GRIK4: variants seen among roughly 807,000 people sequenced by gnomAD.
GRIK4 encodes glutamate ionotropic receptor kainate type subunit 4.
GRIK4 carries 40 observed loss-of-function variants against 104.9 expected under a neutral mutation model. The ratio of observed to expected loss-of-function variants is 0.38; its 90% CI spans 0.30 to 0.50. The LOEUF is 0.50. Ranked by LOEUF, GRIK4 falls within the 20% of genes least tolerant of loss-of-function variation. The pLI is 0.93. For missense variants in GRIK4, 1,047 were observed against 1,308.1 expected (o/e 0.80, Z 3.08); for synonymous variants, 485 against 524.9 (o/e 0.92, Z 1.04).
intron 1 of GRIK4, among the ~76,000 whole-genome samples, chr11:120,589,507 C>A (rs1479514505): frequency 6.6e-6 from 1 of 152,210 alleles, no homozygotes; most frequent in Non-Finnish European, 1.5e-5. Flanking sequence ...CTGCTGGCCA[C>A]CCGTGTCTCA....
At chr11:120,595,697 C>G (rs1360891168) in intron 1 of GRIK4, among the ~76,000 whole-genome samples, 1 of 152,190 alleles carries the variant, frequency 6.6e-6, no homozygotes, top group Admixed American at 6.5e-5. Context: ...CCTCCTTCAC[C>G]CAGACACCTC....
intron 1 of GRIK4, among the ~76,000 whole-genome samples, chr11:120,535,132 A>G (rs1947959638): frequency 6.6e-6 from 1 of 152,158 alleles, no homozygotes; most frequent in South Asian, 2.1e-4. Flanking sequence ...ATGTCACTAA[A>G]TGCGGAGCTG....
At chr11:120,920,497 C>A (rs1000096122) in intron 13 of GRIK4, among the ~76,000 whole-genome samples, 2 of 152,160 alleles carry the variant, frequency 1.3e-5, no homozygotes, top group African/African-American at 4.8e-5. Flanking sequence ...GCCATGCAGA[C>A]CACAGCAGCG....
In GRIK4 at chr11:120,901,587, C is replaced by T. The variant is rs375165996; in HGVS notation, c.1272+2948C>T. ...CTCCCCTTCTAGGATGAGAGCTCCTCGAAGGTAGAGGGGCTGACACAAAGT... is the reference window on the plus strand; with the variant it reads ...CTCCCCTTCTAGGATGAGAGCTCCTTGAAGGTAGAGGGGCTGACACAAAGT... On this transcript the variant is annotated intron_variant, in intron 12 of 20. Coordinates refer to ENST00000527524, the MANE Select transcript of GRIK4 (RefSeq NM_014619.5). 8.9e-4 allele frequency among the ~76,000 whole-genome samples: 135 copies of T among 152,244 alleles called. 1 individual carries two copies. In the South Asian group the frequency reaches 0.023, roughly 26 times the overall value.
chr11:120,803,777 G>A (rs542047328), intron 4 of GRIK4, among the ~76,000 whole-genome samples: 16 of 152,366 alleles, frequency 1.1e-4, no homozygotes, highest in African/African-American at 3.8e-4. Flanking sequence ...AGGAAAATCT[G>A]TGAATTGCAG....
intron 15 of GRIK4, among the ~76,000 whole-genome samples, chr11:120,955,830 C>T (rs541824342): frequency 1.5e-4 from 22 of 150,528 alleles, no homozygotes; most frequent in Non-Finnish European, 2.5e-4. Flanking sequence ...TTTTGAAAGG[C>T]TCTGGGGAGG....
intron 1 of GRIK4, among the ~76,000 whole-genome samples, chr11:120,559,616 A>AT (rs891675660): frequency 3.3e-5 from 5 of 152,266 alleles, no homozygotes; most frequent in Admixed American, 2.6e-4. Flanking sequence ...TGGTTTGATC[A>AT]TTTTTTCATT....
Position 120,961,015 on chromosome 11 carries a change from G to A in GRIK4, c.1981G>A (p.Asp661Asn), listed in dbSNP as rs758388711. Residue 661 changes from aspartate (D) to asparagine (N), a missense_variant, in exon 17 of 21, where the codon GAC becomes AAC. Physicochemically the swap from Asp to Asn is conservative, Grantham distance 23. This residue lies in a region of GRIK4 where 440 missense variants were observed against 652.3 expected (regional missense o/e 0.67). Coordinates refer to ENST00000527524, the MANE Select transcript of GRIK4 (RefSeq NM_014619.5). ...VPIESVDDLA[D>N]QTAIEYGTIH... ...CATTGAGTCAGTGGATGACCTGGCTGACCAGACCGCCATTGAATATGGCAC... is the reference window on the plus strand; with the variant it reads ...CATTGAGTCAGTGGATGACCTGGCTAACCAGACCGCCATTGAATATGGCAC... 6.2e-7 allele frequency: 1 copy of A among 1,614,126 alleles called. No individual in the cohort carries two copies. The highest frequency in any genetic ancestry group is 8.5e-7 in the Non-Finnish European group (1 of 1,179,986).
At chr11:120,816,453 C>T (rs186623026) in intron 5 of GRIK4, among the ~76,000 whole-genome samples, 1 of 152,192 alleles carries the variant, frequency 6.6e-6, no homozygotes, top group East Asian at 1.9e-4. Flanking sequence ...TCGCTTCTGC[C>T]CTAGAGGCCT....
chr11:120,708,934 A>G (rs571422877), intron 3 of GRIK4, among the ~76,000 whole-genome samples: 3 of 152,168 alleles, frequency 2.0e-5, no homozygotes, highest in Non-Finnish European at 1.5e-5. Flanking sequence ...GGGCCAGAGC[A>G]TAAGCAAAGG....
At chr11:120,936,268 C>T in intron 13 of GRIK4, 1 of 506,142 alleles carries the variant, frequency 2.0e-6, no homozygotes, top group South Asian at 1.5e-5. Context: ...TAGTCCACAT[C>T]TTCCAGCTCC....
intron 3 of GRIK4, among the ~76,000 whole-genome samples, chr11:120,719,840 G>A (rs1950898546): frequency 6.6e-6 from 1 of 152,148 alleles, no homozygotes; most frequent in Non-Finnish European, 1.5e-5. Context: ...TATTTGCTAA[G>A]GCACTTCTAC....
At chr11:120,875,355 C>T in intron 11 of GRIK4, 112 bp downstream of exon 11, 2 of 720,702 alleles carry the variant, frequency 2.8e-6, no homozygotes, top group Non-Finnish European at 5.0e-6. Flanking sequence ...CAGCAGCAGG[C>T]TGGATCCTGG....
At chr11:120,582,412 G>T (rs967572675) in intron 1 of GRIK4, among the ~76,000 whole-genome samples, 8 of 151,986 alleles carry the variant, frequency 5.3e-5, no homozygotes, top group Admixed American at 1.3e-4. Flanking sequence ...TCATCGCCGA[G>T]GTAATAAGTA....
At chr11:120,529,179 A>C (rs896287513) in intron 1 of GRIK4, among the ~76,000 whole-genome samples, 1 of 151,332 alleles carries the variant, frequency 6.6e-6, no homozygotes, top group Non-Finnish European at 1.5e-5. Context: ...TTCCCTTTGG[A>C]GCACTCCCAC....
At chr11:120,710,329 G>A (rs1950706620) in intron 3 of GRIK4, among the ~76,000 whole-genome samples, 1 of 152,206 alleles carries the variant, frequency 6.6e-6, no homozygotes, top group South Asian at 2.1e-4. Context: ...GCTGGGCCGA[G>A]TCACCGGGAG....
intron 8 of GRIK4, among the ~76,000 whole-genome samples, chr11:120,849,292 T>G (rs954110492): frequency 6.6e-6 from 1 of 152,296 alleles, no homozygotes; most frequent in South Asian, 2.1e-4. Context: ...TCAATATCTC[T>G]GGACACATAA....
chr11:120,694,413 G>A (rs1043873331), intron 3 of GRIK4, among the ~76,000 whole-genome samples: 1 of 152,138 alleles, frequency 6.6e-6, no homozygotes, highest in Admixed American at 6.6e-5. Context: ...AGTTTTTAGT[G>A]GTTGAACCTT....
chr11:120,656,557 T>G (rs1419529932), intron 2 of GRIK4, among the ~76,000 whole-genome samples: 4 of 152,224 alleles, frequency 2.6e-5, no homozygotes, highest in African/African-American at 7.2e-5. Context: ...CCTGAGCCAC[T>G]GTCATGCTTA....
Sources: gnomAD v4.1 joint callset for allele counts (sites outside exome capture counted in the v4.1 genomes callset) on GRCh38, gnomAD v4.1.1 for gene constraint, gnomAD v4.1.1 regional missense constraint, MANE v1.5 for transcripts, NCBI Gene and HGNC (gene_info 2026-07-23, HGNC 2026-07-21) for gene names.